The following PARVB variants were observed in gnomAD, a reference collection of about 807,000 sequenced individuals.
PARVB encodes beta-parvin.
In PARVB, 46 loss-of-function variants were observed where a neutral mutation model predicts 47.0. That is an observed-to-expected ratio of 0.98 (90% confidence interval 0.77 to 1.25). The LOEUF (loss-of-function observed/expected upper bound fraction) is 1.25. Ranked by LOEUF, PARVB falls within the 50% of genes most tolerant of loss-of-function variation. The pLI is 0.00. For missense variants in PARVB, 473 were observed against 471.6 expected, an observed-to-expected ratio of 1.00 and a Z score of -0.03; for synonymous variants, 196 against 196.3, an observed-to-expected ratio of 1.00 and a Z score of 0.01.
chr22:44,096,174 G>A (rs1011332348), intron 2 of PARVB, among the ~76,000 whole-genome samples: 5 of 152,212 alleles, frequency 3.3e-5, no homozygotes, highest in Non-Finnish European at 5.9e-5. Context: ...GCAGTGAGCC[G>A]AGGTTGCACC....
upstream of PARVB, among the ~76,000 whole-genome samples, chr22:44,020,435 T>C (rs2050634301): frequency 6.6e-6 from 1 of 152,164 alleles, no homozygotes. Flanking sequence ...CAGTCTCCCA[T>C]AGTGTTGGGC....
intron 2 of PARVB, among the ~76,000 whole-genome samples, chr22:44,002,121 G>C (rs1161421926): frequency 6.6e-6 from 1 of 152,242 alleles, no homozygotes; most frequent in African/African-American, 2.4e-5. Context: ...TGCATCGTGA[G>C]TGCAAATGTC....
intron 2 of PARVB, among the ~76,000 whole-genome samples, chr22:43,999,834 G>GAAAAAAAAAAAAAAAAAAAAAA (rs113458130): frequency 1.4e-5 from 1 of 69,362 alleles, no homozygotes. Flanking sequence ...CCATCTATAT[G>GAAAAAAAAAAAAAAAAAAAAAA]AAAAAAAAAA....
chr22:44,034,706 CTTTT>C (rs34429203), intron 1 of PARVB, among the ~76,000 whole-genome samples: 6 of 107,568 alleles, frequency 5.6e-5, no homozygotes, highest in African/African-American at 9.8e-5. Context: ...CCACGTGTAA[CTTTT>C]TTTTTTTTTT....
chr22:44,146,329 G>C (rs1326315053), intron 8 of PARVB: 1 of 81,282 alleles, frequency 1.2e-5, no homozygotes, highest in East Asian at 7.2e-4. Context: ...GCACACATGT[G>C]CTCACGTGCA....
At chr22:44,122,533 A>G (rs1216294148) in intron 4 of PARVB, among the ~76,000 whole-genome samples, 1 of 104,740 alleles carries the variant, frequency 9.5e-6, no homozygotes, top group Non-Finnish European at 1.8e-5. Context: ...AGAGACAGAG[A>G]GAGAGAGAGA....
intron 11 of PARVB, among the ~76,000 whole-genome samples, chr22:44,161,717 A>C (rs960135500): frequency 2.6e-5 from 4 of 152,208 alleles, no homozygotes; most frequent in Non-Finnish European, 5.9e-5. Flanking sequence ...TGGGAGGGGA[A>C]AGGGAACCTG....
chr22:44,147,645 C>A (rs1180795878), intron 8 of PARVB: 10 of 736,948 alleles, frequency 1.4e-5, no homozygotes, highest in Non-Finnish European at 1.7e-5. Flanking sequence ...CCACGCTGTT[C>A]TGGTTGTTCC....
chr22:44,005,536 A>G (rs993759006), intron 2 of PARVB, among the ~76,000 whole-genome samples: 9 of 151,802 alleles, frequency 5.9e-5, no homozygotes, highest in East Asian at 3.9e-4. Flanking sequence ...GCTGGAGTGC[A>G]GTGGTGCTGA....
chr22:44,030,160 G>T (rs2050799990), intron 1 of PARVB, among the ~76,000 whole-genome samples: 1 of 152,242 alleles, frequency 6.6e-6, no homozygotes, highest in Non-Finnish European at 1.5e-5. Flanking sequence ...AGGGGGGCCT[G>T]CACTGCCCCC....
chr22:44,037,542 T>C lies in PARVB; in HGVS notation c.112+13091T>C, dbSNP rs536993322. Among the ~76,000 whole-genome samples the C allele has an allele frequency of 2.4e-3, 364 of 152,354 alleles. 2 individuals are homozygous for C. Among genetic ancestry groups the C allele is most frequent in the African/African-American group, 8.4e-3 (348 of 41,582 alleles). ...AGATGCTTCCTGCATTATTACCTTG[T>C]TTACTCCTCACACCAAGCTGGGAAG... is the stretch of plus-strand genomic sequence containing the variant. On this transcript the variant is annotated intron_variant, in intron 1 of 12. Coordinates refer to ENST00000338758, the MANE Select transcript of PARVB (RefSeq NM_013327.5).
chr22:44,080,136 C>T (rs746396032), intron 1 of PARVB, among the ~76,000 whole-genome samples: 1 of 152,166 alleles, frequency 6.6e-6, no homozygotes. Context: ...AGGGGGCACC[C>T]GGTGTGGAGC....
Position 44,155,216 on chromosome 22 carries a change from T to C in PARVB, c.844-2766T>C, listed in dbSNP as rs1444178203. 6.6e-6 allele frequency among the ~76,000 whole-genome samples: 1 copy of C among 152,116 alleles called. No homozygotes were observed. The highest frequency in any genetic ancestry group is 1.5e-5 in the Non-Finnish European group (1 of 68,016). ...GTCCACAGAATTAAACTGGAGGCGA[T>C]GGGCAGTGTGAGGACTGGGTGAGAT... is the stretch of plus-strand genomic sequence containing the variant. On this transcript the variant is annotated intron_variant, in intron 10 of 12. Coordinates refer to ENST00000338758, the MANE Select transcript of PARVB (RefSeq NM_013327.5). This position sits in a 1 kb window ranked among gnomAD's most constrained non-coding sequence, Gnocchi z 4.8.
chr22:44,088,538 C>T (rs2147028465), intron 1 of PARVB, among the ~76,000 whole-genome samples: 1 of 152,284 alleles, frequency 6.6e-6, no homozygotes, highest in South Asian at 2.1e-4. Context: ...GTGGCACAAC[C>T]TTAGCTCACT....
intron 1 of PARVB, among the ~76,000 whole-genome samples, chr22:44,057,145 G>A (rs1419725761): frequency 6.6e-6 from 1 of 151,730 alleles, no homozygotes; most frequent in Non-Finnish European, 1.5e-5. Flanking sequence ...GTTTAGAAGC[G>A]TGTCGTTCCA....
At chr22:44,130,883 C>T (rs1184375059) in intron 4 of PARVB, among the ~76,000 whole-genome samples, 1 of 152,070 alleles carries the variant, frequency 6.6e-6, no homozygotes, top group African/African-American at 2.4e-5. Flanking sequence ...GCGTCATTCT[C>T]TAAGGAAGAT....
chr22:44,026,828 G>T (rs1260291440), intron 1 of PARVB, among the ~76,000 whole-genome samples: 1 of 151,650 alleles, frequency 6.6e-6, no homozygotes, highest in African/African-American at 2.4e-5. Context: ...GACTCTAAGG[G>T]AGGAGGGGGA....
At chr22:44,060,800 G>A (rs1297272867) in intron 1 of PARVB, among the ~76,000 whole-genome samples, 1 of 151,914 alleles carries the variant, frequency 6.6e-6, no homozygotes, top group African/African-American at 2.4e-5. Context: ...TATTCATGGT[G>A]GTTTTGATCT....
At chr22:44,026,168 T>C (rs551305829) in intron 1 of PARVB, 23 of 237,266 alleles carry the variant, frequency 9.7e-5, no homozygotes, top group Middle Eastern at 2.1e-3. Flanking sequence ...CCCAAAGTAA[T>C]GGACTGGGCC....
Sources: allele counts gnomAD v4.1 joint callset (sites outside exome capture counted in the v4.1 genomes callset), GRCh38; gene constraint gnomAD v4.1.1; non-coding constraint Gnocchi (gnomAD v3.1); transcripts MANE v1.5; gene names NCBI Gene and HGNC (gene_info 2026-07-23, HGNC 2026-07-21).